SMARCAD1: variants seen among roughly 807,000 people sequenced by gnomAD.
SMARCAD1 encodes SWI/SNF-related matrix-associated actin-dependent regulator of chromatin subfamily A containing DEAD/H box 1.
Under a neutral mutation model 127.1 loss-of-function variants are expected in SMARCAD1, and 25 were observed. The observed-to-expected ratio is 0.20, with a 90% CI of 0.14 to 0.27. The LOEUF (loss-of-function observed/expected upper bound fraction) is 0.27, where lower values mean the gene tolerates loss of function less well. Ranked by LOEUF, SMARCAD1 falls within the 10% of genes least tolerant of loss-of-function variation. SMARCAD1 has a pLI of 1.00. For synonymous variants in SMARCAD1, 400 were observed against 396.9 expected (o/e 1.01, Z -0.09); for missense variants, 807 against 1,206.0 (o/e 0.67, Z 4.90).
rs572708213 is a variant in SMARCAD1 at position 94,233,001 on chromosome 4, A to G, written c.369-953A>G. 4.6e-5 allele frequency among the ~76,000 whole-genome samples: 7 copies of G among 152,248 alleles called. 1 individual carries two copies. In the South Asian group the frequency reaches 1.5e-3, roughly 32 times the overall value. On this transcript the variant is annotated intron_variant, in intron 3 of 23. Coordinates refer to ENST00000354268, the MANE Select transcript of SMARCAD1 (RefSeq NM_020159.5). ...TCTCAAAAAAAGAAAAAACACACAT[A>G]TTCTGTTCTTTGGAAATTTGCTTTT... is the stretch of plus-strand genomic sequence containing the variant.
intron 2 of SMARCAD1, among the ~76,000 whole-genome samples, chr4:94,210,942 A>C (rs1742133516): frequency 6.6e-6 from 1 of 150,426 alleles, no homozygotes; most frequent in African/African-American, 2.4e-5. Flanking sequence ...AAAAAAAAAA[A>C]AAAAAAAAGG....
chr4:94,285,832 CAAT>C (rs933096657), intron 23 of SMARCAD1, among the ~76,000 whole-genome samples: 1 of 152,152 alleles, frequency 6.6e-6, no homozygotes, highest in Non-Finnish European at 1.5e-5. Flanking sequence ...CATAGTTAAA[CAAT>C]TAGCAGTCAT....
At chr4:94,246,206 G>A (rs1043840339) in intron 6 of SMARCAD1, among the ~76,000 whole-genome samples, 7 of 150,198 alleles carry the variant, frequency 4.7e-5, no homozygotes, top group Non-Finnish European at 8.9e-5. Flanking sequence ...CGCAACCTCC[G>A]CCTCCCGGGT....
At chr4:94,226,388 CTTT>C in intron 3 of SMARCAD1, 92 bp downstream of exon 3, 2 of 648,842 alleles carry the variant, frequency 3.1e-6, no homozygotes, top group Non-Finnish European at 2.3e-6. Flanking sequence ...GGTGACTTCC[CTTT>C]TTTTTTTTTT....
chr4:94,210,760 C>G (rs936325095), intron 2 of SMARCAD1, among the ~76,000 whole-genome samples: 11 of 150,772 alleles, frequency 7.3e-5, no homozygotes, highest in African/African-American at 2.7e-4. Flanking sequence ...ATAGTGAAAC[C>G]CCGTCTCTAC....
intron 16 of SMARCAD1, 88 bp from the exon 17 acceptor site, chr4:94,278,334 A>G: frequency 8.7e-7 from 1 of 1,144,550 alleles, no homozygotes; most frequent in Non-Finnish European, 1.3e-6. Context: ...GACTCTAATG[A>G]GGGAGATTTT....
chr4:94,226,270 A>G lies in SMARCAD1; in HGVS notation c.342A>G (p.Thr114=), dbSNP rs772903410. 8.7e-6 allele frequency: 14 copies of G among 1,613,112 alleles called. No homozygotes were observed. The Admixed American group carries it at 2.2e-4, about 25-fold the overall frequency. The change falls in exon 3 of 24, where the codon ACA becomes ACG. Residue 114 remains threonine (T), a synonymous_variant. Transcript: ENST00000354268. ...GCTCCAATACAGTTCAAGAGAAAACATTCAACAAAGATACAGTGATTATAG... is the reference window on the plus strand; with the variant it reads ...GCTCCAATACAGTTCAAGAGAAAACGTTCAACAAAGATACAGTGATTATAG... ...PNCSNTVQEK[T]FNKDTVIIVS...
At chr4:94,214,452 A>G (rs1199211734) in intron 2 of SMARCAD1, among the ~76,000 whole-genome samples, 1 of 150,766 alleles carries the variant, frequency 6.6e-6, no homozygotes, top group Non-Finnish European at 1.5e-5. Flanking sequence ...TATTTTTAGT[A>G]GAGACCCGGT....
At chr4:94,276,609 C>T in intron 15 of SMARCAD1, 135 bp downstream of exon 15, 1 of 1,100,038 alleles carries the variant, frequency 9.1e-7, no homozygotes, top group East Asian at 2.6e-5. Flanking sequence ...CAAGTTTTTT[C>T]TGTAAAAGGG....
chr4:94,265,698 T>A (rs146898757), intron 10 of SMARCAD1, among the ~76,000 whole-genome samples: 1 of 151,792 alleles, frequency 6.6e-6, no homozygotes, highest in African/African-American at 2.4e-5. Context: ...TTAAAAAAAA[T>A]AATATAAAAC....
intron 8 of SMARCAD1, 57 bp from the exon 9 acceptor site, chr4:94,252,559 C>T (rs1749437812): frequency 8.2e-7 from 1 of 1,214,094 alleles, no homozygotes; most frequent in Admixed American, 2.9e-5. Context: ...TATTTGAAGT[C>T]TATCTTTATA....
chr4:94,227,735 A>G (rs756646470), intron 3 of SMARCAD1, among the ~76,000 whole-genome samples: 2 of 152,220 alleles, frequency 1.3e-5, no homozygotes, highest in East Asian at 1.9e-4. Flanking sequence ...GAACACTCCT[A>G]GACGTCTAAA....
At position 94,270,706 on chromosome 4, in the gene SMARCAD1, T is replaced by A. The variant is rs544148419; in HGVS notation, c.1482-22T>A. 3.1e-6 allele frequency: 5 copies of A among 1,587,618 alleles called. No homozygotes were observed. In the South Asian group the frequency reaches 5.5e-5, roughly 18 times the overall value. On this transcript the variant is annotated intron_variant, in intron 10 of 23. Transcript: ENST00000354268. ...TGATAGAAATATAGATGTGTAATAT[T>A]TGGTAACTCTCTCTTTACCAGTTTG... is the stretch of plus-strand genomic sequence containing the variant.
chr4:94,284,666 C>G (rs1301370222), intron 22 of SMARCAD1, among the ~76,000 whole-genome samples: 1 of 150,718 alleles, frequency 6.6e-6, no homozygotes, highest in Non-Finnish European at 1.5e-5. Context: ...CTGCTGGCCT[C>G]AAGCAATCCA....
intron 5 of SMARCAD1, among the ~76,000 whole-genome samples, chr4:94,237,758 G>C (rs558844968): frequency 6.6e-6 from 1 of 152,106 alleles, no homozygotes; most frequent in African/African-American, 2.4e-5. Context: ...ACTACCCACA[G>C]GATTAGTTTA....
At chr4:94,208,713 A>T in intron 2 of SMARCAD1, 129 bp downstream of exon 2, 2 of 919,782 alleles carry the variant, frequency 2.2e-6, no homozygotes, top group South Asian at 1.5e-5. Context: ...TGCCCTTTTA[A>T]ATACAGCTTT....
intron 10 of SMARCAD1, among the ~76,000 whole-genome samples, chr4:94,266,759 C>T (rs974857318): frequency 1.3e-5 from 2 of 152,188 alleles, no homozygotes; most frequent in South Asian, 4.1e-4. Flanking sequence ...ACAAGTTCTT[C>T]ATGACGAAGT....
At chr4:94,227,586 A>T (rs140447356) in intron 3 of SMARCAD1, among the ~76,000 whole-genome samples, 2 of 152,238 alleles carry the variant, frequency 1.3e-5, no homozygotes, top group East Asian at 3.9e-4. Flanking sequence ...GTCAAGGATC[A>T]CCCTAAGATT....
intron 10 of SMARCAD1, among the ~76,000 whole-genome samples, chr4:94,269,838 T>C (rs912454018): frequency 5.3e-5 from 8 of 151,894 alleles, no homozygotes; most frequent in Middle Eastern, 3.2e-3. Context: ...CTGGCTAATT[T>C]TTTTTGTATT....
Sources: gnomAD v4.1 joint callset for allele counts (sites outside exome capture counted in the v4.1 genomes callset) on GRCh38, gnomAD v4.1.1 for gene constraint, MANE v1.5 for transcripts, NCBI Gene and HGNC (gene_info 2026-07-23, HGNC 2026-07-21) for gene names.